Variants in TSHZ2 observed in about 807,000 individuals in gnomAD.
TSHZ2 encodes the protein teashirt zinc finger homeobox 2.
In TSHZ2, 21 loss-of-function variants were observed where a neutral mutation model predicts 74.4. The ratio of observed to expected loss-of-function variants is 0.28; its 90% confidence interval spans 0.20 to 0.41. The LOEUF (loss-of-function observed/expected upper bound fraction) is 0.41, where lower values mean the gene tolerates loss of function less well. TSHZ2 is among the 10% of genes least tolerant of loss of function. The pLI is 1.00. For synonymous variants in TSHZ2, 540 were observed against 515.3 expected (o/e 1.05, Z -0.65); for missense variants, 1,244 against 1,293.5 (o/e 0.96, Z 0.59).
chr20:52,998,351 T>C (rs972447707), intron 1 of TSHZ2, among the ~76,000 whole-genome samples: 1 of 152,198 alleles, frequency 6.6e-6, no homozygotes, highest in Non-Finnish European at 1.5e-5. Context: ...GTATTTTCAG[T>C]AGAGACCGGG....
rs1175025723 is a variant in TSHZ2, at chr20:53,472,808, C to T, written c.*9-14336C>T. Among the ~76,000 whole-genome samples, 10 of 151,568 alleles carry T rather than the reference C, an allele frequency of 6.6e-5. No individual in the cohort carries two copies. In the South Asian group the frequency reaches 8.3e-4, roughly 13 times the overall value. On this transcript the variant is annotated intron_variant, in intron 2 of 2. Transcript: ENST00000371497. ...CAGGTCAGTGGGTGCGCGCACCGTG[C>T]GCGAGCCGAAGCAGGGTGAGGCATT...
intron 2 of TSHZ2, among the ~76,000 whole-genome samples, chr20:53,280,138 C>G (rs1162067053): frequency 6.6e-6 from 1 of 152,162 alleles, no homozygotes; most frequent in Non-Finnish European, 1.5e-5. Flanking sequence ...GAATGGATTG[C>G]ACACAGGACA....
At chr20:53,347,373 G>A (rs1338729924) in intron 2 of TSHZ2, among the ~76,000 whole-genome samples, 1 of 152,098 alleles carries the variant, frequency 6.6e-6, no homozygotes, top group Non-Finnish European at 1.5e-5. Context: ...CTGAGGTAGA[G>A]GGCCAAGTGA....
chr20:53,277,487 C>T (rs1190325402), intron 2 of TSHZ2, among the ~76,000 whole-genome samples: 1 of 151,914 alleles, frequency 6.6e-6, no homozygotes, highest in East Asian at 1.9e-4. Flanking sequence ...AATATAACAG[C>T]TCATCCAAGG....
intron 1 of TSHZ2, among the ~76,000 whole-genome samples, chr20:53,200,609 T>TA (rs1988980267): frequency 6.6e-6 from 1 of 152,234 alleles, no homozygotes; most frequent in South Asian, 2.1e-4. Flanking sequence ...TAAGACTTCT[T>TA]ACAGTCCTTC....
intron 2 of TSHZ2, among the ~76,000 whole-genome samples, chr20:53,353,467 C>T (rs955928431): frequency 1.3e-5 from 2 of 152,196 alleles, no homozygotes; most frequent in Non-Finnish European, 2.9e-5. Context: ...TCTTCCTAGC[C>T]TAAAATTGTG....
intron 1 of TSHZ2, among the ~76,000 whole-genome samples, chr20:53,230,423 G>A (rs1989795088): frequency 6.6e-6 from 1 of 152,006 alleles, no homozygotes; most frequent in Non-Finnish European, 1.5e-5. Flanking sequence ...CAGCCACCAG[G>A]TGGTGGCTGT....
chr20:53,263,208 A>G (rs1448708096), intron 2 of TSHZ2, among the ~76,000 whole-genome samples: 1 of 152,220 alleles, frequency 6.6e-6, no homozygotes, highest in Non-Finnish European at 1.5e-5. Context: ...ACAGTGATCA[A>G]GAGCTTTTTC....
chr20:53,075,972 C>G (rs780754159), intron 1 of TSHZ2, among the ~76,000 whole-genome samples: 5 of 152,222 alleles, frequency 3.3e-5, no homozygotes, highest in African/African-American at 7.2e-5. Context: ...CACCCAACCC[C>G]TCTTGACCTC....
chr20:53,258,525 G>A (rs1418162502), intron 2 of TSHZ2, among the ~76,000 whole-genome samples: 1 of 152,070 alleles, frequency 6.6e-6, no homozygotes, highest in Non-Finnish European at 1.5e-5. Context: ...ATCTTTTTTA[G>A]AAAATTAATA....
chr20:53,358,567 T>C (rs1261528772), intron 2 of TSHZ2, among the ~76,000 whole-genome samples: 2 of 151,868 alleles, frequency 1.3e-5, no homozygotes, highest in Non-Finnish European at 2.9e-5. Flanking sequence ...CTGGTCTCGA[T>C]CTCCTGGCCT....
intron 2 of TSHZ2, among the ~76,000 whole-genome samples, chr20:53,290,181 T>G (rs1991253406): frequency 2.0e-5 from 3 of 152,002 alleles, no homozygotes; most frequent in Admixed American, 2.0e-4. Flanking sequence ...CAGGACGTGC[T>G]CTCTTCAGGT....
chr20:52,987,454 T>G (rs1175037209), intron 1 of TSHZ2, among the ~76,000 whole-genome samples: 2 of 150,706 alleles, frequency 1.3e-5, no homozygotes, highest in Non-Finnish European at 3.0e-5. Flanking sequence ...ACTCTTTCTC[T>G]CTCCTCTCTC....
intron 1 of TSHZ2, among the ~76,000 whole-genome samples, chr20:53,114,663 T>TC (rs11391181): frequency 0.067 from 10,206 of 152,170 alleles, 800 homozygotes; most frequent in East Asian, 0.37. Flanking sequence ...CTCTGGATCT[T>TC]CCCCAAATGG....
intron 1 of TSHZ2, among the ~76,000 whole-genome samples, chr20:52,981,462 G>A (rs1467085388): frequency 6.6e-6 from 1 of 152,192 alleles, no homozygotes; most frequent in African/African-American, 2.4e-5. Flanking sequence ...GGCTGAGAAA[G>A]TGTGCTGAAA....
At chr20:53,305,080 T>C (rs1308967948) in intron 2 of TSHZ2, among the ~76,000 whole-genome samples, 1 of 151,546 alleles carries the variant, frequency 6.6e-6, no homozygotes, top group Non-Finnish European at 1.5e-5. Flanking sequence ...GGACTGCAGG[T>C]GCCCTCCACC....
chr20:53,110,722 G>A (rs1317167080), intron 1 of TSHZ2, among the ~76,000 whole-genome samples: 1 of 149,440 alleles, frequency 6.7e-6, no homozygotes, highest in African/African-American at 2.4e-5. Context: ...AAAGTTGGGA[G>A]GCAGATAACA....
intron 1 of TSHZ2, among the ~76,000 whole-genome samples, chr20:53,213,973 A>G (rs1244087480): frequency 6.6e-6 from 1 of 152,218 alleles, no homozygotes; most frequent in Non-Finnish European, 1.5e-5. Context: ...TAAGTACAAT[A>G]TAGTAGTAGG....
At chr20:53,198,176 T>C (rs1320932468) in intron 1 of TSHZ2, 2 of 152,236 alleles carry the variant, frequency 1.3e-5, no homozygotes, top group African/African-American at 4.8e-5. Flanking sequence ...CACATAAGCA[T>C]TACCTGTAAT....
Sources: gnomAD v4.1 joint callset for allele counts (sites outside exome capture counted in the v4.1 genomes callset) on GRCh38, gnomAD v4.1.1 for gene constraint, MANE v1.5 for transcripts, NCBI Gene and HGNC (gene_info 2026-07-23, HGNC 2026-07-21) for gene names.